The following TSHZ2 variants were observed in gnomAD, a reference collection of about 807,000 sequenced individuals.
The protein encoded by TSHZ2 is teashirt homolog 2.
In TSHZ2, 21 loss-of-function variants were observed where a neutral mutation model predicts 74.4. The observed-to-expected ratio is 0.28, with a 90% CI of 0.20 to 0.41. The LOEUF (loss-of-function observed/expected upper bound fraction) is 0.41, where lower values mean the gene tolerates loss of function less well. Ranked by LOEUF, TSHZ2 falls within the 10% of genes least tolerant of loss-of-function variation. TSHZ2 has a pLI of 1.00. For missense variants in TSHZ2, 1,244 were observed against 1,293.5 expected (o/e 0.96, Z 0.59); for synonymous variants, 540 against 515.3 (o/e 1.05, Z -0.65).
chr20:53,134,503 GA>G (rs1181935666), intron 1 of TSHZ2, among the ~76,000 whole-genome samples: 1 of 152,084 alleles, frequency 6.6e-6, no homozygotes, highest in Non-Finnish European at 1.5e-5. Flanking sequence ...CTTACCATCT[GA>G]AAGAAGGAAG....
chr20:53,463,359 G>C (rs1985440435), intron 2 of TSHZ2, among the ~76,000 whole-genome samples: 1 of 133,580 alleles, frequency 7.5e-6, no homozygotes, highest in African/African-American at 2.8e-5. Flanking sequence ...GGAGACCCCT[G>C]TCTTGAAAGA....
Position 53,253,905 on chromosome 20 carries a change from T to C in TSHZ2, c.447T>C (p.Asn149=). 1.2e-6 allele frequency: 2 copies of C among 1,614,120 alleles called. No homozygotes were observed. The highest frequency in any genetic ancestry group is 1.7e-6 in the Non-Finnish European group (2 of 1,180,024). ...SGLGLGFKLS[N]SERRNCDTRN... ...TGGGCCTTGGCTTCAAGCTGTCCAA[T>C]AGTGAGAGGAGGAACTGTGACACCC... The change falls in exon 2 of 3, where the codon AAT becomes AAC. Residue 149 remains asparagine (N), a synonymous_variant. Coordinates refer to ENST00000371497, the MANE Select transcript of TSHZ2 (RefSeq NM_173485.6).
At chr20:53,213,990 C>T (rs1396578608) in intron 1 of TSHZ2, among the ~76,000 whole-genome samples, 4 of 152,100 alleles carry the variant, frequency 2.6e-5, no homozygotes, top group Admixed American at 6.5e-5. Context: ...TAGGTGCTGG[C>T]GGGGAGGTCA....
At position 53,074,973 on chromosome 20, in the gene TSHZ2, T is replaced by G. The variant is rs1024827676; in HGVS notation, c.40+101640T>G. 5.9e-5 allele frequency among the ~76,000 whole-genome samples: 9 copies of G among 152,360 alleles called. No individual in the cohort carries two copies. The highest frequency in any genetic ancestry group is 2.2e-4 in the African/African-American group (9 of 41,596). On this transcript the variant is annotated intron_variant, in intron 1 of 2. Coordinates refer to ENST00000371497, the MANE Select transcript of TSHZ2 (RefSeq NM_173485.6). This position sits in a 1 kb window ranked among gnomAD's most constrained non-coding sequence, Gnocchi z 5.9. ...TCAACCACAGATGTTTTATGTCCTC[T>G]TTTGTCGCTGACGTTTCCTCCATGT...
chr20:53,134,257 T>A (rs1987185430), intron 1 of TSHZ2, among the ~76,000 whole-genome samples: 1 of 152,202 alleles, frequency 6.6e-6, no homozygotes, highest in African/African-American at 2.4e-5. Flanking sequence ...CCATCTTCAT[T>A]TTTATCTGGA....
intron 1 of TSHZ2, among the ~76,000 whole-genome samples, chr20:53,025,606 C>T (rs6013606): frequency 6.6e-6 from 1 of 152,192 alleles, no homozygotes; most frequent in Admixed American, 6.5e-5. Flanking sequence ...CAGATGACAC[C>T]TTCACATCTA....
At chr20:53,244,251 G>A (rs1990147409) in intron 1 of TSHZ2, among the ~76,000 whole-genome samples, 1 of 152,136 alleles carries the variant, frequency 6.6e-6, no homozygotes, top group South Asian at 2.1e-4. Context: ...AACTATATGT[G>A]TGTGAGTGTG....
intron 1 of TSHZ2, among the ~76,000 whole-genome samples, chr20:53,000,594 A>C (rs564803536): frequency 6.6e-6 from 1 of 152,250 alleles, no homozygotes; most frequent in Non-Finnish European, 1.5e-5. Flanking sequence ...TAATACAGGC[A>C]GTATGGAGAT....
intron 2 of TSHZ2, among the ~76,000 whole-genome samples, chr20:53,280,076 A>G (rs1443700230): frequency 1.3e-5 from 2 of 152,158 alleles, no homozygotes; most frequent in African/African-American, 4.8e-5. Context: ...TAAATAGGGA[A>G]AGAGCATGAC....
At position 53,313,385 on chromosome 20, in the gene TSHZ2, A is replaced by C. The variant is rs1191597781; in HGVS notation, c.*8+56814A>C. Among the ~76,000 whole-genome samples the C allele has an allele frequency of 3.9e-5, 6 of 152,372 alleles. No individual in the cohort carries two copies. The South Asian group carries it at 1.0e-3, about 26-fold the overall frequency. On this transcript the variant is annotated intron_variant, in intron 2 of 2. Transcript: ENST00000371497. The stretch of plus-strand genomic sequence containing the variant: ...TGAGAAACATAATTTAATCTTTGCT[A>C]TCTGACTCAGGGTCATAGTCATGAA...
intron 2 of TSHZ2, among the ~76,000 whole-genome samples, chr20:53,448,157 A>G (rs1984632484): frequency 6.6e-6 from 1 of 152,100 alleles, no homozygotes; most frequent in Admixed American, 6.5e-5. Flanking sequence ...TGATCCGCCC[A>G]CCTCGGCCTC....
chr20:53,407,241 G>C (rs996943247), intron 2 of TSHZ2, among the ~76,000 whole-genome samples: 3 of 152,086 alleles, frequency 2.0e-5, no homozygotes, highest in African/African-American at 7.2e-5. Flanking sequence ...CTGCAATGCA[G>C]AGCAATTCAG....
chr20:53,275,388 G>A (rs1341011123), intron 2 of TSHZ2, among the ~76,000 whole-genome samples: 1 of 151,992 alleles, frequency 6.6e-6, no homozygotes, highest in Non-Finnish European at 1.5e-5. Flanking sequence ...CTGAAATGGG[G>A]AATTATAACT....
intron 2 of TSHZ2, among the ~76,000 whole-genome samples, chr20:53,473,328 T>C (rs1230194114): frequency 2.8e-5 from 4 of 142,872 alleles, no homozygotes; most frequent in Non-Finnish European, 6.1e-5. Flanking sequence ...GCAGACTGCC[T>C]CCTCAAGTGG....
At chr20:53,316,526 C>A (rs1263512129) in intron 2 of TSHZ2, among the ~76,000 whole-genome samples, 1 of 151,176 alleles carries the variant, frequency 6.6e-6, no homozygotes, top group African/African-American at 2.4e-5. Flanking sequence ...GAAGACTGAT[C>A]AGGTTACTAT....
chr20:53,235,969 A>G (rs914711337), intron 1 of TSHZ2, among the ~76,000 whole-genome samples: 53 of 152,246 alleles, frequency 3.5e-4, no homozygotes, highest in Non-Finnish European at 6.3e-4. Flanking sequence ...ATTGATGCAC[A>G]TGTAATTTTT....
At chr20:53,456,481 T>C (rs1345348277) in intron 2 of TSHZ2, among the ~76,000 whole-genome samples, 5 of 136,630 alleles carry the variant, frequency 3.7e-5, no homozygotes, top group Admixed American at 1.5e-4. Context: ...GAGTAGGTTG[T>C]GAAAATTTTC....
At chr20:53,257,838 A>G (rs1990515244) in intron 2 of TSHZ2, among the ~76,000 whole-genome samples, 1 of 152,216 alleles carries the variant, frequency 6.6e-6, no homozygotes, top group Non-Finnish European at 1.5e-5. Flanking sequence ...AAAACTAATA[A>G]CATATAATCG....
At chr20:53,130,550 C>G (rs995643539) in intron 1 of TSHZ2, among the ~76,000 whole-genome samples, 1 of 152,128 alleles carries the variant, frequency 6.6e-6, no homozygotes, top group African/African-American at 2.4e-5. Flanking sequence ...TGCTAGAGCC[C>G]GGAGGGTGGA....
Sources: gnomAD v4.1 joint callset for allele counts (sites outside exome capture counted in the v4.1 genomes callset) on GRCh38, gnomAD v4.1.1 for gene constraint, Gnocchi (gnomAD v3.1) non-coding constraint, MANE v1.5 for transcripts, NCBI Gene and HGNC (gene_info 2026-07-23, HGNC 2026-07-21) for gene names.